HDAC9: variants seen among roughly 807,000 people sequenced by gnomAD.
HDAC9 encodes MEF-2 interacting transcription repressor (MITR) protein.
In HDAC9, 41 loss-of-function variants were observed where a neutral mutation model predicts 139.4. That is an observed-to-expected ratio of 0.29 (90% CI 0.23 to 0.38). HDAC9 has a LOEUF of 0.38. Ranked by LOEUF, HDAC9 falls within the 10% of genes least tolerant of loss-of-function variation. The pLI is 1.00. For missense variants in HDAC9, 1,147 were observed against 1,297.0 expected (o/e 0.88, Z 1.78); for synonymous variants, 517 against 476.2 (o/e 1.09, Z -1.12).
chr7:18,147,543 A>G (rs1786431330), intron 1 of HDAC9, among the ~76,000 whole-genome samples: 1 of 152,116 alleles, frequency 6.6e-6, no homozygotes, highest in African/African-American at 2.4e-5. Flanking sequence ...TTATTATGAA[A>G]TATTTTAGCA....
intron 13 of HDAC9, among the ~76,000 whole-genome samples, chr7:18,728,003 A>G (rs758663824): frequency 5.9e-5 from 9 of 152,200 alleles, no homozygotes; most frequent in Non-Finnish European, 1.3e-4. Context: ...CAACAGGTGC[A>G]TGAGTTTTTT....
chr7:18,685,437 G>A (rs764771361), intron 12 of HDAC9, among the ~76,000 whole-genome samples: 2 of 151,882 alleles, frequency 1.3e-5, no homozygotes, highest in African/African-American at 2.4e-5. Context: ...TTAATTGAAA[G>A]TGTTAATCCT....
At chr7:18,357,650 A>G (rs1783428690) in intron 1 of HDAC9, among the ~76,000 whole-genome samples, 1 of 152,184 alleles carries the variant, frequency 6.6e-6, no homozygotes, top group South Asian at 2.1e-4. Flanking sequence ...ACTTTAGGCT[A>G]GAGAGTTAGG....
intron 22 of HDAC9, among the ~76,000 whole-genome samples, chr7:18,910,656 T>C (rs1802659943): frequency 6.6e-6 from 1 of 151,908 alleles, no homozygotes; most frequent in African/African-American, 2.4e-5. Context: ...TTCAGTATAG[T>C]ATTCATCACA....
At chr7:18,615,277 C>T (rs1414618640) in intron 6 of HDAC9, among the ~76,000 whole-genome samples, 2 of 152,038 alleles carry the variant, frequency 1.3e-5, no homozygotes, top group African/African-American at 4.8e-5. Flanking sequence ...CTTTTACTTA[C>T]ATTAAACTAA....
At chr7:18,483,435 G>A (rs1027983681) in intron 1 of HDAC9, among the ~76,000 whole-genome samples, 1 of 152,172 alleles carries the variant, frequency 6.6e-6, no homozygotes, top group Non-Finnish European at 1.5e-5. Context: ...GAAGAACTTT[G>A]ACCAGTAATC....
At chr7:18,267,521 A>G (rs1331784929) in intron 2 of HDAC9, among the ~76,000 whole-genome samples, 4 of 152,040 alleles carry the variant, frequency 2.6e-5, no homozygotes, top group African/African-American at 9.7e-5. Flanking sequence ...ATAGAATTCT[A>G]CCTATAAGTG....
chr7:18,594,966 G>A (rs1310189589), intron 6 of HDAC9, among the ~76,000 whole-genome samples: 3 of 152,024 alleles, frequency 2.0e-5, no homozygotes, highest in South Asian at 2.1e-4. Context: ...AATCTGCAGA[G>A]TGAAAATGAT....
At chr7:18,765,963 A>G (rs1029544252) in intron 15 of HDAC9, among the ~76,000 whole-genome samples, 2 of 152,132 alleles carry the variant, frequency 1.3e-5, no homozygotes, top group Non-Finnish European at 2.9e-5. Context: ...ATCATCTTCC[A>G]TCTTTTAGTA....
chr7:18,739,491 T>C (rs1053137979), intron 13 of HDAC9, among the ~76,000 whole-genome samples: 1 of 152,210 alleles, frequency 6.6e-6, no homozygotes, highest in African/African-American at 2.4e-5. Flanking sequence ...TCCTTTCTGT[T>C]TGTTAGTTTT....
chr7:18,464,725 T>C (rs1375942806), intron 1 of HDAC9, among the ~76,000 whole-genome samples: 1 of 152,082 alleles, frequency 6.6e-6, no homozygotes, highest in Admixed American at 6.5e-5. Context: ...TTATGTTATC[T>C]AGGAATATTT....
chr7:18,904,082 T>G (rs1201050840), intron 22 of HDAC9, among the ~76,000 whole-genome samples: 1 of 152,194 alleles, frequency 6.6e-6, no homozygotes, highest in Non-Finnish European at 1.5e-5. Context: ...CACCCAACAA[T>G]TGGAACAAGT....
chr7:18,167,916 A>G (rs28550969), intron 2 of HDAC9, among the ~76,000 whole-genome samples: 20,924 of 152,208 alleles, frequency 0.14, 2,331 homozygotes, highest in African/African-American at 0.31. Flanking sequence ...GAGGTGCAGT[A>G]TTTTATAATG....
chr7:18,145,137 C>T (rs114769250), intron 1 of HDAC9, among the ~76,000 whole-genome samples: 1 of 152,132 alleles, frequency 6.6e-6, no homozygotes, highest in Non-Finnish European at 1.5e-5. Context: ...ATATTTTAGG[C>T]TGATTTTATT....
At chr7:18,889,426 A>G (rs1046934597) in intron 22 of HDAC9, among the ~76,000 whole-genome samples, 5 of 148,630 alleles carry the variant, frequency 3.4e-5, no homozygotes, top group Non-Finnish European at 7.5e-5. Flanking sequence ...ATTGACTTTC[A>G]TGTATGGAGT....
chr7:18,622,194 G>A (rs1443101705), intron 6 of HDAC9, among the ~76,000 whole-genome samples: 3 of 152,184 alleles, frequency 2.0e-5, no homozygotes, highest in Non-Finnish European at 4.4e-5. Context: ...GGGAAGAATA[G>A]ACAATGCCAG....
At chr7:18,756,226 G>A (rs1196732306) in intron 14 of HDAC9, among the ~76,000 whole-genome samples, 1 of 152,120 alleles carries the variant, frequency 6.6e-6, no homozygotes, top group African/African-American at 2.4e-5. Flanking sequence ...ACGAGATAGA[G>A]ACAAATAGGC....
chr7:18,239,232 T>A (rs1794028847), intron 2 of HDAC9, among the ~76,000 whole-genome samples: 1 of 152,140 alleles, frequency 6.6e-6, no homozygotes, highest in Non-Finnish European at 1.5e-5. Flanking sequence ...GAAGGATACA[T>A]CCTTTTAAAA....
At chr7:18,662,085 G>T (rs1793358715) in intron 11 of HDAC9, among the ~76,000 whole-genome samples, 1 of 152,228 alleles carries the variant, frequency 6.6e-6, no homozygotes, top group East Asian at 1.9e-4. Flanking sequence ...ACTTGCTAAC[G>T]ATGGGAAATT....
Sources: allele counts gnomAD v4.1 joint callset (sites outside exome capture counted in the v4.1 genomes callset), GRCh38; gene constraint gnomAD v4.1.1; transcripts MANE v1.5; gene names NCBI Gene and HGNC (gene_info 2026-07-23, HGNC 2026-07-21).